The following DCC variants were observed in gnomAD, a reference collection of about 807,000 sequenced individuals.
DCC encodes netrin receptor DCC.
Under a neutral mutation model 172.5 loss-of-function variants are expected in DCC, and 58 were observed. That is an observed-to-expected ratio of 0.34 (90% confidence interval 0.27 to 0.42). The LOEUF (loss-of-function observed/expected upper bound fraction) is 0.42. Among genes scored for constraint, DCC ranks in the 10% least tolerant of loss-of-function variants. The pLI is 1.00. For missense variants in DCC, 1,740 were observed against 1,791.0 expected (o/e 0.97, Z 0.51); for synonymous variants, 709 against 644.5 (o/e 1.10, Z -1.52).
chr18:52,701,926 C>G (rs1260193061), intron 1 of DCC, among the ~76,000 whole-genome samples: 1 of 152,188 alleles, frequency 6.6e-6, no homozygotes, highest in Non-Finnish European at 1.5e-5. Context: ...ACAGCACACA[C>G]TTAGCATAAA....
At chr18:53,061,072 T>A (rs891194590) in intron 5 of DCC, among the ~76,000 whole-genome samples, 1 of 152,158 alleles carries the variant, frequency 6.6e-6, no homozygotes, top group African/African-American at 2.4e-5. Flanking sequence ...ATTTATTTTA[T>A]TTATCATGCA....
At chr18:53,252,384 T>C (rs2056448429) in intron 12 of DCC, among the ~76,000 whole-genome samples, 1 of 151,942 alleles carries the variant, frequency 6.6e-6, no homozygotes, top group Non-Finnish European at 1.5e-5. Flanking sequence ...TTAATCACTC[T>C]GGGGGTTTAG....
At chr18:52,584,131 C>G (rs1011881578) in intron 1 of DCC, among the ~76,000 whole-genome samples, 1 of 152,112 alleles carries the variant, frequency 6.6e-6, no homozygotes, top group East Asian at 1.9e-4. Flanking sequence ...AGTGAAAATA[C>G]CAGCTGTACT....
chr18:53,080,177 G>T (rs769726930), intron 7 of DCC, among the ~76,000 whole-genome samples: 1 of 152,048 alleles, frequency 6.6e-6, no homozygotes, highest in East Asian at 1.9e-4. Context: ...TGTATTAGAA[G>T]GTCCTGACAG....
chr18:52,481,012 A>G (rs979846430), intron 1 of DCC, among the ~76,000 whole-genome samples: 4 of 152,302 alleles, frequency 2.6e-5, no homozygotes, highest in African/African-American at 9.6e-5. Context: ...AAATGAAAAA[A>G]ACTATTACTT....
In DCC at chr18:52,624,508, T is replaced by C. The variant is rs562832558; in HGVS notation, c.92-127546T>C. On this transcript the variant is annotated intron_variant, in intron 1 of 28. Coordinates refer to ENST00000442544, the MANE Select transcript of DCC (RefSeq NM_005215.4). ...GGGTTTGTTCTCCAGAGTCCTTTTT[T>C]CTGTTGGAACAAGCTTGTGAGTAGT... Among the ~76,000 whole-genome samples, 25 of 152,328 alleles carry C rather than the reference T, an allele frequency of 1.6e-4. No homozygotes were observed. In the South Asian group the frequency reaches 5.0e-3, roughly 30 times the overall value.
chr18:53,224,582 A>G (rs2055995697), intron 12 of DCC, among the ~76,000 whole-genome samples: 1 of 152,192 alleles, frequency 6.6e-6, no homozygotes, highest in Non-Finnish European at 1.5e-5. Flanking sequence ...CAAGTGCTCC[A>G]TGTGAGATCA....
intron 1 of DCC, among the ~76,000 whole-genome samples, chr18:52,488,496 T>A (rs945051896): frequency 6.6e-6 from 1 of 152,038 alleles, no homozygotes; most frequent in Non-Finnish European, 1.5e-5. Context: ...CTTGCATTAG[T>A]GTAGGAAAAT....
chr18:52,610,227 A>ATAT (rs2034245608), intron 1 of DCC, among the ~76,000 whole-genome samples: 4 of 96,184 alleles, frequency 4.2e-5, no homozygotes, highest in South Asian at 4.1e-4. Flanking sequence ...ATATATATAT[A>ATAT]AAATTAGCCA....
chr18:53,238,679 T>G (rs1205823520), intron 12 of DCC, among the ~76,000 whole-genome samples: 1 of 152,054 alleles, frequency 6.6e-6, no homozygotes, highest in East Asian at 1.9e-4. Flanking sequence ...ATGAGAAGTA[T>G]CATTGCAACT....
chr18:52,720,833 G>A (rs950452731), intron 1 of DCC, among the ~76,000 whole-genome samples: 3 of 152,084 alleles, frequency 2.0e-5, no homozygotes, highest in Non-Finnish European at 4.4e-5. Flanking sequence ...CCCCTTCCTC[G>A]GGATTTCTTA....
At chr18:52,449,781 A>G (rs1988243907) in intron 1 of DCC, among the ~76,000 whole-genome samples, 1 of 152,146 alleles carries the variant, frequency 6.6e-6, no homozygotes. Flanking sequence ...GATAGTGAAT[A>G]AGTCTCATGA....
intron 12 of DCC, among the ~76,000 whole-genome samples, chr18:53,260,528 A>C (rs1256949436): frequency 1.3e-5 from 2 of 151,916 alleles, no homozygotes; most frequent in Non-Finnish European, 1.5e-5. Flanking sequence ...AATATTGGTG[A>C]ACAGCAAATG....
intron 1 of DCC, among the ~76,000 whole-genome samples, chr18:52,378,353 A>C (rs189214026): frequency 1.2e-4 from 19 of 152,220 alleles, no homozygotes; most frequent in Middle Eastern, 3.4e-3. Context: ...GATTTGGGAA[A>C]ATGACATAAT....
At chr18:52,636,045 G>A (rs1226263809) in intron 1 of DCC, among the ~76,000 whole-genome samples, 2 of 152,194 alleles carry the variant, frequency 1.3e-5, no homozygotes, top group Non-Finnish European at 2.9e-5. Context: ...AGCGGGAAAA[G>A]GAGACCCTCC....
chr18:52,853,674 TCTGAGGTC>T (rs1178066216), intron 2 of DCC, among the ~76,000 whole-genome samples: 1 of 152,202 alleles, frequency 6.6e-6, no homozygotes, highest in Non-Finnish European at 1.5e-5. Context: ...GTGGCAGGAC[TCTGAGGTC>T]CTGGAAACAG....
chr18:53,515,138 G>A (rs1243078726), intron 27 of DCC, among the ~76,000 whole-genome samples: 1 of 151,408 alleles, frequency 6.6e-6, no homozygotes, highest in African/African-American at 2.4e-5. Context: ...TGCAAGGCTG[G>A]TTCAATATAC....
intron 1 of DCC, among the ~76,000 whole-genome samples, chr18:52,561,860 C>A (rs768888990): frequency 6.6e-6 from 1 of 152,134 alleles, no homozygotes; most frequent in Non-Finnish European, 1.5e-5. Flanking sequence ...CCATTTTTCT[C>A]CATCTTATTT....
intron 10 of DCC, among the ~76,000 whole-genome samples, chr18:53,206,040 A>T (rs1412995226): frequency 8.8e-6 from 1 of 113,486 alleles, no homozygotes; most frequent in Non-Finnish European, 1.8e-5. Flanking sequence ...ATATATGTGT[A>T]TATATAATAT....
Sources: gnomAD v4.1 joint callset for allele counts (sites outside exome capture counted in the v4.1 genomes callset) on GRCh38, gnomAD v4.1.1 for gene constraint, MANE v1.5 for transcripts, NCBI Gene and HGNC (gene_info 2026-07-23, HGNC 2026-07-21) for gene names.